CDH23: variants seen among roughly 807,000 people sequenced by gnomAD.
The protein encoded by CDH23 is cadherin related 23, also known as cadherin-23.
In CDH23, 189 loss-of-function variants were observed where a neutral mutation model predicts 317.1. The observed-to-expected ratio is 0.60, with a 90% CI of 0.53 to 0.67. CDH23 has a LOEUF of 0.67. CDH23 is among the 30% of genes least tolerant of loss of function. The pLI is 0.00. For missense variants in CDH23, 4,401 were observed against 4,592.4 expected, an observed-to-expected ratio of 0.96 and a Z score of 1.20; for synonymous variants, 1,839 against 1,876.8, an observed-to-expected ratio of 0.98 and a Z score of 0.52.
intron 24 of CDH23, among the ~76,000 whole-genome samples, chr10:71,703,099 G>A (rs1398517809): frequency 6.6e-6 from 1 of 152,152 alleles, no homozygotes; most frequent in Non-Finnish European, 1.5e-5. Context: ...CTACAGTAGA[G>A]GGGCCTCTGT....
chr10:71,645,441 C>A (rs1057143788), intron 12 of CDH23, among the ~76,000 whole-genome samples: 1 of 152,260 alleles, frequency 6.6e-6, no homozygotes, highest in Non-Finnish European at 1.5e-5. Context: ...CTTCTCTCCA[C>A]TCCCCTCACA....
intron 47 of CDH23, among the ~76,000 whole-genome samples, chr10:71,791,773 A>G (rs1279011223): frequency 6.6e-6 from 1 of 151,400 alleles, no homozygotes; most frequent in African/African-American, 2.4e-5. Flanking sequence ...ACGGGGTTTC[A>G]CCCTGTTGGC....
intron 53 of CDH23, 32 bp from the exon 54 acceptor site, chr10:71,802,866 C>T (rs780243347): frequency 6.2e-7 from 1 of 1,613,304 alleles, no homozygotes; most frequent in Admixed American, 1.7e-5. Flanking sequence ...CATCCTGCTC[C>T]TTACCTTTGG....
chr10:71,705,067 C>T lies in CDH23; in HGVS notation c.2890C>T (p.Arg964Trp), dbSNP rs768031780. ...CGAGCGCATCGCGGAGTACCAGCTG[C>T]GGGTGGTGGCCAGTGATGCAGGCAC... is the stretch of plus-strand genomic sequence containing the variant. ...DRERIAEYQL[R>W]VVASDAGTPT... The change falls in exon 25 of 70, where the codon CGG becomes TGG. Residue 964 changes from arginine to tryptophan, a missense_variant. Around this residue, in one of 3 missense-constraint regions of CDH23, gnomAD observed 3,068 missense variants for 3,203.3 expected, o/e 0.96. Coordinates refer to ENST00000224721, the MANE Select transcript of CDH23 (RefSeq NM_022124.6). The T allele has an allele frequency of 1.7e-5, 28 of 1,612,368 alleles. No homozygotes were observed. The highest frequency in any genetic ancestry group is 2.2e-5 in the East Asian group (1 of 44,882).
At chr10:71,436,251 C>T (rs1258011184) in intron 1 of CDH23, among the ~76,000 whole-genome samples, 1 of 152,256 alleles carries the variant, frequency 6.6e-6, no homozygotes, top group South Asian at 2.1e-4. Flanking sequence ...GGCACTGAGG[C>T]AGTCTGATCG....
At position 71,705,057 on chromosome 10, in the gene CDH23, G is replaced by A. The variant is rs2132740362; in HGVS notation, c.2880G>A (p.Glu960=). 1 of 1,612,634 alleles carries A rather than the reference G, an allele frequency of 6.2e-7. No individual in the cohort carries two copies. The highest frequency in any genetic ancestry group is 8.5e-7 in the Non-Finnish European group (1 of 1,179,818). ...TTELDRERIA[E]YQLRVVASDA... Reference sequence around the variant, plus strand: ...AGCTGGACCGCGAGCGCATCGCGGAGTACCAGCTGCGGGTGGTGGCCAGTG... The same window carrying A: ...AGCTGGACCGCGAGCGCATCGCGGAATACCAGCTGCGGGTGGTGGCCAGTG... The change falls in exon 25 of 70, where the codon GAG becomes GAA. Residue 960 remains glutamate (E), a synonymous_variant. Coordinates refer to ENST00000224721, the MANE Select transcript of CDH23 (RefSeq NM_022124.6).
intron 41 of CDH23, among the ~76,000 whole-genome samples, chr10:71,780,731 C>T (rs1215130036): frequency 1.3e-5 from 2 of 152,150 alleles, no homozygotes; most frequent in Non-Finnish European, 2.9e-5. Context: ...TCAGCAGGAC[C>T]ACTCTGGTTC....
chr10:71,704,972 G>C lies in CDH23; in HGVS notation c.2795G>C (p.Gly932Ala). ...NGLVSYRMPV[G>A]MPRMDFLINS... ...CTGGTGTCCTACCGCATGCCGGTGG[G>C]CATGCCCCGCATGGACTTCCTCATC... The change falls in exon 25 of 70, where the codon GGC (glycine) becomes GCC (alanine). Residue 932 changes from glycine to alanine, a missense_variant. Around this residue, in one of 3 missense-constraint regions of CDH23, gnomAD observed 3,068 missense variants for 3,203.3 expected, o/e 0.96. Coordinates refer to ENST00000224721, the MANE Select transcript of CDH23 (RefSeq NM_022124.6). The C allele has an allele frequency of 6.2e-7, 1 of 1,612,874 alleles. No homozygotes were observed. Among genetic ancestry groups the C allele is most frequent in the South Asian group, 1.1e-5 (1 of 91,086 alleles).
chr10:71,495,526 C>G (rs1336880984), intron 3 of CDH23, among the ~76,000 whole-genome samples: 3 of 151,998 alleles, frequency 2.0e-5, no homozygotes, highest in African/African-American at 4.8e-5. Context: ...TCCCCAGAGC[C>G]AAATTATTTT....
chr10:71,721,244 C>T (rs953932362), intron 28 of CDH23, among the ~76,000 whole-genome samples: 4 of 152,218 alleles, frequency 2.6e-5, no homozygotes, highest in African/African-American at 9.6e-5. Context: ...CACCCTGTTA[C>T]ATCCCTCCAC....
chr10:71,751,226 A>C lies in CDH23; in HGVS notation c.4845+9305A>C, dbSNP rs374909552. ...AAATGCACCTGCCCCAGACCCAGCC[A>C]CAACAGCCCACTGTCCCCCAGCTGG... On this transcript the variant is annotated intron_variant, in intron 38 of 69. Coordinates refer to ENST00000224721, the MANE Select transcript of CDH23 (RefSeq NM_022124.6). The surrounding 1 kb of genome is among the most constrained non-coding windows in gnomAD (Gnocchi z 4.9). 6 of 1,601,652 alleles carry C rather than the reference A, an allele frequency of 3.7e-6. No homozygotes were observed. The African/African-American group carries it at 8.0e-5, about 21-fold the overall frequency.
chr10:71,500,804 CTTTTCTTTTCTTTTCT>C (rs1308041536), intron 3 of CDH23, among the ~76,000 whole-genome samples: 7 of 144,194 alleles, frequency 4.9e-5, no homozygotes, highest in Non-Finnish European at 1.0e-4. Flanking sequence ...CTTTTCTTTT[CTTTTCTTTTCTTTTCT>C]CTTTCCTTTC....
chr10:71,704,516 C>T (rs1019169944), intron 24 of CDH23, among the ~76,000 whole-genome samples: 2 of 152,208 alleles, frequency 1.3e-5, no homozygotes, highest in Non-Finnish European at 2.9e-5. Context: ...GTCTGTGAAT[C>T]CAGCCTTCTA....
chr10:71,670,883 G>A (rs912597016), intron 14 of CDH23, among the ~76,000 whole-genome samples: 2 of 151,970 alleles, frequency 1.3e-5, no homozygotes, highest in African/African-American at 4.8e-5. Flanking sequence ...CCATTAGATG[G>A]CAACAGAGAC....
At chr10:71,550,474 T>TACTTAAG (rs905579208) in intron 6 of CDH23, among the ~76,000 whole-genome samples, 5 of 146,566 alleles carry the variant, frequency 3.4e-5, no homozygotes, top group Non-Finnish European at 7.4e-5. Context: ...ATGGGAGGAT[T>TACTTAAG]ACTTAAGCCC....
At chr10:71,812,243 G>T (rs1014140754) in intron 66 of CDH23, 1 of 1,597,348 alleles carries the variant, frequency 6.3e-7, no homozygotes, top group South Asian at 1.1e-5. Flanking sequence ...CAGACTTTGG[G>T]CAGTGGGTGC....
At chr10:71,765,752 C>T (rs1840525022) in intron 38 of CDH23, among the ~76,000 whole-genome samples, 1 of 152,076 alleles carries the variant, frequency 6.6e-6, no homozygotes, top group Non-Finnish European at 1.5e-5. Flanking sequence ...ACCCATCCCA[C>T]AGGTCCCAAA....
intron 28 of CDH23, among the ~76,000 whole-genome samples, chr10:71,720,648 G>A (rs1356124599): frequency 6.6e-6 from 1 of 152,178 alleles, no homozygotes. Context: ...CCCAGTTTCT[G>A]GTTTTTAGCT....
chr10:71,599,233 G>C (rs529347277), intron 9 of CDH23, among the ~76,000 whole-genome samples: 1 of 152,216 alleles, frequency 6.6e-6, no homozygotes, highest in Admixed American at 6.5e-5. Flanking sequence ...GTTTAAGAAA[G>C]GGAACATTGC....
Sources: allele counts gnomAD v4.1 joint callset (sites outside exome capture counted in the v4.1 genomes callset), GRCh38; gene constraint gnomAD v4.1.1; regional missense constraint gnomAD v4.1.1; non-coding constraint Gnocchi (gnomAD v3.1); transcripts MANE v1.5; gene names NCBI Gene and HGNC (gene_info 2026-07-23, HGNC 2026-07-21).